The following MAP2 variants were observed in gnomAD, a reference collection of about 807,000 sequenced individuals.
MAP2 encodes the protein microtubule associated protein 2.
A neutral mutation model predicts 137.6 loss-of-function variants in MAP2; 14 were observed. The observed-to-expected ratio is 0.10, with a 90% CI of 0.07 to 0.16. The LOEUF is 0.16. Ranked by LOEUF, MAP2 falls within the 10% of genes least tolerant of loss-of-function variation. The pLI is 1.00. For synonymous variants in MAP2, 786 were observed against 782.3 expected, an observed-to-expected ratio of 1.00 and a Z score of -0.08; for missense variants, 2,088 against 2,191.5, an observed-to-expected ratio of 0.95 and a Z score of 0.94.
In MAP2 at chr2:209,693,901, C is replaced by G; in HGVS notation, c.1731C>G (p.Ala577=). Residue 577 remains alanine (A), a synonymous_variant, in exon 8 of 16, where the codon GCC becomes GCG. Transcript: ENST00000682079. ...SGMSKYFETS[A]LKEEATKSIE... Reference sequence around the variant, plus strand: ...TGTCCAAGTACTTTGAAACATCTGCCTTGAAAGAAGAAGCAACAAAAAGCA... The same window carrying G: ...TGTCCAAGTACTTTGAAACATCTGCGTTGAAAGAAGAAGCAACAAAAAGCA... 6.2e-7 allele frequency: 1 copy of G among 1,610,934 alleles called. No homozygotes were observed. The highest frequency in any genetic ancestry group is 1.1e-5 in the South Asian group (1 of 90,274).
At chr2:209,705,395 A>T (rs766167865) in intron 11 of MAP2, 185 bp from the exon 12 acceptor site, 3 of 397,172 alleles carry the variant, frequency 7.6e-6, no homozygotes, top group Non-Finnish European at 1.3e-5. Flanking sequence ...TTTACAAAAC[A>T]TCTAGGCAAA....
intron 11 of MAP2, among the ~76,000 whole-genome samples, chr2:209,701,147 G>T (rs1452767046): frequency 2.6e-5 from 4 of 151,852 alleles, no homozygotes; most frequent in Non-Finnish European, 4.4e-5. Context: ...GCTGCATATT[G>T]TCAAATTGCC....
chr2:209,539,138 T>G (rs535337600), intron 2 of MAP2, among the ~76,000 whole-genome samples: 2 of 152,358 alleles, frequency 1.3e-5, no homozygotes, highest in South Asian at 4.1e-4. Flanking sequence ...TTATTTGACC[T>G]GCTGATCCTG....
chr2:209,437,934 T>G (rs1696752904), intron 1 of MAP2, among the ~76,000 whole-genome samples: 1 of 151,580 alleles, frequency 6.6e-6, no homozygotes, highest in South Asian at 2.1e-4. Context: ...AAGTTGCATT[T>G]CAACCAGATG....
At chr2:209,724,210 C>T (rs1382581662) in intron 13 of MAP2, among the ~76,000 whole-genome samples, 1 of 152,040 alleles carries the variant, frequency 6.6e-6, no homozygotes, top group Non-Finnish European at 1.5e-5. Context: ...ATTTATAATT[C>T]AAAGTGAAAG....
chr2:209,520,522 A>G (rs1424139570), intron 2 of MAP2, among the ~76,000 whole-genome samples: 18 of 152,092 alleles, frequency 1.2e-4, no homozygotes, highest in Admixed American at 6.6e-5. Context: ...TGCAAGGAGA[A>G]AAGAATGTCA....
intron 4 of MAP2, among the ~76,000 whole-genome samples, chr2:209,639,672 A>G (rs2093852731): frequency 6.6e-6 from 1 of 151,902 alleles, no homozygotes; most frequent in African/African-American, 2.4e-5. Flanking sequence ...TCCCTTTACA[A>G]TTCTGCCATT....
At chr2:209,477,332 G>C (rs183508281) in intron 1 of MAP2, among the ~76,000 whole-genome samples, 2 of 150,618 alleles carry the variant, frequency 1.3e-5, no homozygotes, top group Admixed American at 1.3e-4. Context: ...ATGTTATATT[G>C]AAAAAAAAGC....
chr2:209,579,829 T>A (rs1035120499), intron 2 of MAP2: 3 of 152,180 alleles, frequency 2.0e-5, no homozygotes, highest in African/African-American at 7.2e-5. Context: ...CTTTATGTAA[T>A]CTCAGAGTAA....
intron 3 of MAP2, among the ~76,000 whole-genome samples, chr2:209,608,666 C>T (rs1323661631): frequency 6.6e-6 from 1 of 152,130 alleles, no homozygotes; most frequent in Non-Finnish European, 1.5e-5. Context: ...CTAGATTAAT[C>T]TTTGTGAAAC....
intron 2 of MAP2, among the ~76,000 whole-genome samples, chr2:209,548,807 C>T (rs2068595804): frequency 6.6e-6 from 1 of 152,132 alleles, no homozygotes; most frequent in Admixed American, 6.5e-5. Context: ...TGTGTTCATT[C>T]TCCCTCCTGC....
intron 1 of MAP2, among the ~76,000 whole-genome samples, chr2:209,481,549 T>C (rs1482102992): frequency 1.3e-5 from 2 of 152,194 alleles, no homozygotes; most frequent in Admixed American, 6.5e-5. Context: ...GATTGACCTA[T>C]ACTATCCTAT....
At chr2:209,532,120 C>A (rs1246312339) in intron 2 of MAP2, among the ~76,000 whole-genome samples, 1 of 151,728 alleles carries the variant, frequency 6.6e-6, no homozygotes, top group East Asian at 1.9e-4. Flanking sequence ...TGTTTGTAGT[C>A]CCAACTACTC....
intron 2 of MAP2, among the ~76,000 whole-genome samples, chr2:209,538,668 G>A (rs376280749): frequency 6.6e-6 from 1 of 150,818 alleles, no homozygotes; most frequent in South Asian, 2.1e-4. Context: ...ATTAAAATAC[G>A]TATCAAACTT....
chr2:209,691,084 T>G (rs1322989310), intron 7 of MAP2, among the ~76,000 whole-genome samples: 1 of 152,214 alleles, frequency 6.6e-6, no homozygotes, highest in Non-Finnish European at 1.5e-5. Flanking sequence ...ACAATACGCT[T>G]TGCAGCCAGG....
At chr2:209,616,121 A>G (rs1045746098) in intron 3 of MAP2, among the ~76,000 whole-genome samples, 11 of 152,152 alleles carry the variant, frequency 7.2e-5, no homozygotes, top group Non-Finnish European at 1.6e-4. Flanking sequence ...CTTCTTGGGC[A>G]TGGTACAAGA....
intron 2 of MAP2, among the ~76,000 whole-genome samples, chr2:209,523,823 T>C (rs1216042516): frequency 6.6e-6 from 1 of 152,190 alleles, no homozygotes; most frequent in African/African-American, 2.4e-5. Flanking sequence ...TTGTTTATAA[T>C]TTAAACATAA....
chr2:209,469,323 A>G (rs1436775573), intron 1 of MAP2, among the ~76,000 whole-genome samples: 1 of 152,112 alleles, frequency 6.6e-6, no homozygotes, highest in Non-Finnish European at 1.5e-5. Flanking sequence ...CTTCCATAAG[A>G]TGTTTGTTCC....
At chr2:209,513,050 A>C (rs1037792217) in intron 2 of MAP2, among the ~76,000 whole-genome samples, 3 of 152,168 alleles carry the variant, frequency 2.0e-5, no homozygotes, top group African/African-American at 7.2e-5. Flanking sequence ...TGTTAAACTA[A>C]ACAGCATATT....
Sources: gnomAD v4.1 joint callset for allele counts (sites outside exome capture counted in the v4.1 genomes callset) on GRCh38, gnomAD v4.1.1 for gene constraint, MANE v1.5 for transcripts, NCBI Gene and HGNC (gene_info 2026-07-23, HGNC 2026-07-21) for gene names.